SORBS2: variants seen among roughly 807,000 people sequenced by gnomAD.
SORBS2 encodes sorbin and SH3 domain-containing protein 2.
Under a neutral mutation model 97.7 loss-of-function variants are expected in SORBS2, and 46 were observed. The observed-to-expected ratio is 0.47, with a 90% CI of 0.37 to 0.60. The LOEUF (loss-of-function observed/expected upper bound fraction) is 0.60, where lower values mean the gene tolerates loss of function less well. Among genes scored for constraint, SORBS2 ranks in the 20% least tolerant of loss-of-function variants. SORBS2 has a pLI of 0.00. For missense variants in SORBS2, 1,316 were observed against 1,282.3 expected (o/e 1.03, Z -0.40); for synonymous variants, 476 against 473.4 (o/e 1.01, Z -0.07).
At chr4:185,714,743 G>A (rs1029441869) in intron 2 of SORBS2, among the ~76,000 whole-genome samples, 4 of 152,132 alleles carry the variant, frequency 2.6e-5, no homozygotes, top group East Asian at 3.9e-4. Context: ...TTATAAAACC[G>A]TCAGATCTCG....
rs964580372 is a variant in SORBS2, at chr4:185,623,714, C to T, written c.1415G>A (p.Arg472Gln). Residue 472 changes from arginine (R) to glutamine (Q), a missense_variant, in exon 7 of 15, where the codon CGG (arginine) becomes CAG (glutamine). Coordinates refer to ENST00000418609, the Ensembl canonical transcript of SORBS2. This position sits in a 1 kb window ranked among gnomAD's most constrained non-coding sequence, Gnocchi z 6.4. The stretch of plus-strand genomic sequence containing the variant: ...CAGGGCGTTAGACTGGCAGCCTCGC[C>T]GGCCCCGAGCGGGGGGGCCGCTTTG... 2.5e-6 allele frequency: 4 copies of T among 1,613,740 alleles called. No individual in the cohort carries two copies. Among genetic ancestry groups the T allele is most frequent in the East Asian group, 2.2e-5 (1 of 44,874 alleles).
At chr4:185,950,677 A>C (rs1484497987) in intron 1 of SORBS2, among the ~76,000 whole-genome samples, 1 of 152,192 alleles carries the variant, frequency 6.6e-6, no homozygotes, top group African/African-American at 2.4e-5. Flanking sequence ...GCTGTGAACA[A>C]TATTTTAATT....
chr4:185,806,452 T>G (rs1181986547), intron 1 of SORBS2, among the ~76,000 whole-genome samples: 1,209 of 73,886 alleles, frequency 0.016, 232 homozygotes, highest in African/African-American at 0.049. Flanking sequence ...TTTTTTTTTT[T>G]TTTTTTTTTT....
At chr4:185,854,447 G>A (rs941024205) in intron 1 of SORBS2, among the ~76,000 whole-genome samples, 1 of 152,100 alleles carries the variant, frequency 6.6e-6, no homozygotes, top group South Asian at 2.1e-4. Flanking sequence ...CTCAGGGAAC[G>A]GCAGATGTCT....
chr4:185,766,443 A>T (rs2098934495), intron 2 of SORBS2, among the ~76,000 whole-genome samples: 1 of 152,230 alleles, frequency 6.6e-6, no homozygotes. Context: ...AAAAAAGATA[A>T]ATGTGAAATA....
chr4:185,804,701 A>C (rs2099145663), intron 1 of SORBS2, among the ~76,000 whole-genome samples: 1 of 152,082 alleles, frequency 6.6e-6, no homozygotes, highest in South Asian at 2.1e-4. Context: ...TGAAATCTAT[A>C]TAAATTATTA....
chr4:185,883,115 G>A (rs1001724704), intron 1 of SORBS2, among the ~76,000 whole-genome samples: 1 of 151,998 alleles, frequency 6.6e-6, no homozygotes, highest in African/African-American at 2.4e-5. Context: ...AGAATAGAAA[G>A]GCAAGCCACA....
chr4:185,913,711 A>G (rs2099256576), intron 1 of SORBS2, among the ~76,000 whole-genome samples: 1 of 152,154 alleles, frequency 6.6e-6, no homozygotes. Flanking sequence ...TCTCTTTGAG[A>G]TTTTAAAACT....
At chr4:185,648,469 A>G (rs577276833) in intron 3 of SORBS2, among the ~76,000 whole-genome samples, 31 of 151,718 alleles carry the variant, frequency 2.0e-4, no homozygotes, top group African/African-American at 7.5e-4. Flanking sequence ...CCTGGGTAAC[A>G]GAGTGAGACT....
intron 2 of SORBS2, among the ~76,000 whole-genome samples, chr4:185,714,956 CAT>C (rs1583291667): frequency 6.6e-6 from 1 of 152,184 alleles, no homozygotes; most frequent in Non-Finnish European, 1.5e-5. Flanking sequence ...CTTCAGAACA[CAT>C]GAGTCTATAA....
chr4:185,864,148 G>A (rs1001102512), intron 1 of SORBS2, among the ~76,000 whole-genome samples: 1 of 152,120 alleles, frequency 6.6e-6, no homozygotes, highest in Non-Finnish European at 1.5e-5. Flanking sequence ...ACTATCAACT[G>A]GAGAGAATGA....
At chr4:185,955,180 G>T (rs1321366234) in intron 1 of SORBS2, among the ~76,000 whole-genome samples, 1 of 152,074 alleles carries the variant, frequency 6.6e-6, no homozygotes, top group Non-Finnish European at 1.5e-5. Flanking sequence ...AAATGAAGCA[G>T]AGCACTCTTT....
At chr4:185,712,971 T>G (rs1036774766) in intron 2 of SORBS2, among the ~76,000 whole-genome samples, 1 of 152,160 alleles carries the variant, frequency 6.6e-6, no homozygotes, top group Non-Finnish European at 1.5e-5. Flanking sequence ...ATGGTTTTTC[T>G]CCCTTCCTCC....
intron 12 of SORBS2, among the ~76,000 whole-genome samples, chr4:185,604,890 CAGCGTGTCACAA>C (rs6148842): frequency 0.75 from 114,129 of 151,852 alleles, 44,682 homozygotes; most frequent in East Asian, 0.92. Context: ...CAACTATAGT[CAGCGTGTCACAA>C]AGCTGGGGAA....
intron 1 of SORBS2, among the ~76,000 whole-genome samples, chr4:185,855,365 G>A (rs2099220190): frequency 6.6e-6 from 1 of 151,818 alleles, no homozygotes; most frequent in African/African-American, 2.4e-5. Flanking sequence ...ATCTATTTTG[G>A]GGCTCCACTT....
chr4:185,926,972 G>T (rs953656258), intron 1 of SORBS2, among the ~76,000 whole-genome samples: 3 of 151,674 alleles, frequency 2.0e-5, no homozygotes, highest in Non-Finnish European at 4.4e-5. Flanking sequence ...GAACAAAGAG[G>T]ATTTTACGGT....
chr4:185,770,369 G>T (rs999959406), intron 2 of SORBS2, among the ~76,000 whole-genome samples: 1 of 152,130 alleles, frequency 6.6e-6, no homozygotes, highest in South Asian at 2.1e-4. Flanking sequence ...TTGTCACTGT[G>T]GCATCTGTAT....
intron 1 of SORBS2, among the ~76,000 whole-genome samples, chr4:185,870,384 T>A (rs1046474561): frequency 2.0e-5 from 3 of 152,228 alleles, no homozygotes; most frequent in African/African-American, 7.2e-5. Context: ...CTTCTTTTCA[T>A]GACCCAATGC....
chr4:185,590,229 T>TAGCTA (rs1167831593), intron 13 of SORBS2, among the ~76,000 whole-genome samples: 1 of 152,212 alleles, frequency 6.6e-6, no homozygotes, highest in East Asian at 1.9e-4. Flanking sequence ...TAGCTAGCCA[T>TAGCTA]AATCAGAAGC....
Sources: allele counts gnomAD v4.1 joint callset (sites outside exome capture counted in the v4.1 genomes callset), GRCh38; gene constraint gnomAD v4.1.1; non-coding constraint Gnocchi (gnomAD v3.1); transcripts MANE v1.5; gene names NCBI Gene and HGNC (gene_info 2026-07-23, HGNC 2026-07-21).